Variants in IQCH observed in about 807,000 individuals in gnomAD.
IQCH encodes IQ motif containing H.
In IQCH, 98 loss-of-function variants were observed where a neutral mutation model predicts 117.0. That is an observed-to-expected ratio of 0.84 (90% CI 0.71 to 0.99). The LOEUF (loss-of-function observed/expected upper bound fraction) is 0.99. Among genes scored for constraint, IQCH ranks in the 50% least tolerant of loss-of-function variants. The pLI is 0.00. For missense variants in IQCH, 1,102 were observed against 1,243.8 expected (o/e 0.89, Z 1.72); for synonymous variants, 412 against 448.2 (o/e 0.92, Z 1.02).
At position 67,466,486 on chromosome 15, in the gene IQCH, A is replaced by G. The variant is rs915642887; in HGVS notation, c.2676+1189A>G. The G allele has an allele frequency of 3.3e-5, 5 of 152,212 alleles. No individual in the cohort carries two copies. Among genetic ancestry groups the G allele is most frequent in the Non-Finnish European group, 7.3e-5 (5 of 68,054 alleles). The allele number at this position is 152,212 out of a possible 1,614,324, so 9.4% of individuals were successfully genotyped here. A position where few individuals can be genotyped will look rare whatever the true frequency, so the allele number is the denominator to read the frequency against. Reference sequence around the variant, plus strand: ...TAATGGGACCCAACATGAGTGTCCCAGAGATACCTTTTCCAAGCGGTCTCC... The same window carrying G: ...TAATGGGACCCAACATGAGTGTCCCGGAGATACCTTTTCCAAGCGGTCTCC... On this transcript the variant is annotated intron_variant, in intron 17 of 20. Transcript: ENST00000335894. The surrounding 1 kb of genome is among the most constrained non-coding windows in gnomAD (Gnocchi z 4.4).
chr15:67,340,122 C>G (rs1022641577), intron 5 of IQCH, among the ~76,000 whole-genome samples: 1 of 151,988 alleles, frequency 6.6e-6, no homozygotes, highest in Non-Finnish European at 1.5e-5. Flanking sequence ...ACGCATCAAC[C>G]TTGATTCTTT....
intron 16 of IQCH, among the ~76,000 whole-genome samples, chr15:67,428,303 A>T (rs2081938937): frequency 6.6e-6 from 1 of 152,214 alleles, no homozygotes; most frequent in Admixed American, 6.5e-5. Context: ...AAAAGAAAAA[A>T]ATATATAAAT....
chr15:67,442,586 G>A (rs2082297906), intron 16 of IQCH, among the ~76,000 whole-genome samples: 1 of 152,112 alleles, frequency 6.6e-6, no homozygotes, highest in Non-Finnish European at 1.5e-5. Context: ...TGGTGGGAAT[G>A]TAAACTAGTA....
Position 67,491,949 on chromosome 15 carries a change from G to A in IQCH, c.2861+1885G>A, listed in dbSNP as rs143410222. Reference sequence around the variant, plus strand: ...ACAGTAAACAAGTAAACAGGTAAACGTGGTCTAGTATGTCAACTGCTGACA... The same window carrying A: ...ACAGTAAACAAGTAAACAGGTAAACATGGTCTAGTATGTCAACTGCTGACA... On this transcript the variant is annotated intron_variant, in intron 19 of 20. Transcript: ENST00000335894. The surrounding 1 kb of genome is among the most constrained non-coding windows in gnomAD (Gnocchi z 4.9). Among the ~76,000 whole-genome samples the A allele has an allele frequency of 8.8e-4, 134 of 152,220 alleles. No homozygotes were observed. In the East Asian group the frequency reaches 0.024, roughly 27 times the overall value.
At chr15:67,497,934 C>T (rs2083868273) in intron 20 of IQCH, among the ~76,000 whole-genome samples, 1 of 152,160 alleles carries the variant, frequency 6.6e-6, no homozygotes, top group Non-Finnish European at 1.5e-5. Flanking sequence ...CTGACATTCC[C>T]AAATTGATCT....
chr15:67,441,326 A>G (rs2082266958), intron 16 of IQCH, among the ~76,000 whole-genome samples: 1 of 152,042 alleles, frequency 6.6e-6, no homozygotes, highest in Non-Finnish European at 1.5e-5. Context: ...GCAATCTACA[A>G]ATTCAATGCA....
chr15:67,359,545 A>T lies in IQCH; in HGVS notation c.715-302A>T, dbSNP rs1206925612. Reference sequence around the variant, plus strand: ...CTTTGATCAGACACCACCACAAAGCAGTGTGGTGCCACGCTAGTGTCCCCT... The same window carrying T: ...CTTTGATCAGACACCACCACAAAGCTGTGTGGTGCCACGCTAGTGTCCCCT... On this transcript the variant is annotated intron_variant, in intron 7 of 20. Transcript: ENST00000335894. The surrounding 1 kb of genome is among the most constrained non-coding windows in gnomAD (Gnocchi z 4.5). 6.6e-6 allele frequency among the ~76,000 whole-genome samples: 1 copy of T among 152,272 alleles called. No homozygotes were observed. The highest frequency in any genetic ancestry group is 1.9e-4 in the East Asian group (1 of 5,202).
intron 18 of IQCH, among the ~76,000 whole-genome samples, chr15:67,483,850 G>A (rs2083402935): frequency 6.6e-6 from 1 of 152,194 alleles, no homozygotes; most frequent in Admixed American, 6.5e-5. Flanking sequence ...GGAATGAACA[G>A]CTTAAGACTC....
intron 3 of IQCH, among the ~76,000 whole-genome samples, chr15:67,272,789 C>T (rs1965955873): frequency 6.6e-6 from 1 of 152,144 alleles, no homozygotes; most frequent in Non-Finnish European, 1.5e-5. Context: ...CATGTCTTTA[C>T]TTTCAGTCTG....
intron 4 of IQCH, among the ~76,000 whole-genome samples, chr15:67,284,376 C>T (rs1249520178): frequency 2.6e-5 from 4 of 152,096 alleles, no homozygotes; most frequent in Non-Finnish European, 5.9e-5. Context: ...GACAAGATCT[C>T]ATTCTCTTTT....
intron 4 of IQCH, among the ~76,000 whole-genome samples, chr15:67,297,252 G>A (rs952545470): frequency 3.9e-5 from 6 of 152,104 alleles, no homozygotes; most frequent in Non-Finnish European, 8.8e-5. Flanking sequence ...CTTAATTTTA[G>A]TTGACATTTT....
chr15:67,355,339 C>T lies in IQCH; in HGVS notation c.638-2006C>T, dbSNP rs144135080. Among the ~76,000 whole-genome samples, 105 of 152,206 alleles carry T rather than the reference C, an allele frequency of 6.9e-4. No individual in the cohort carries two copies. The East Asian group carries it at 0.02, about 28-fold the overall frequency. ...CGGTGGCTCACGCCTGTAATGCCAGCACTTTGGGAGGCTGAGGTGGGTGGA... is the reference window on the plus strand; with the variant it reads ...CGGTGGCTCACGCCTGTAATGCCAGTACTTTGGGAGGCTGAGGTGGGTGGA... On this transcript the variant is annotated intron_variant, in intron 6 of 20. Transcript: ENST00000335894.
chr15:67,358,490 C>T (rs563286774), intron 7 of IQCH, among the ~76,000 whole-genome samples: 9 of 152,064 alleles, frequency 5.9e-5, no homozygotes, highest in South Asian at 4.1e-4. Flanking sequence ...GCCACCACAC[C>T]GGGCCAAATT....
rs560408532 is a variant in IQCH at position 67,373,992 on chromosome 15, A to C, written c.1372+559A>C. 3.2e-5 allele frequency: 5 copies of C among 155,782 alleles called. No homozygotes were observed. In the South Asian group the frequency reaches 8.0e-4, roughly 25 times the overall value. 9.6% of individuals were successfully genotyped at this position (155,782 alleles called of 1,614,324 possible). Reference sequence around the variant, plus strand: ...AGTTGAATAGTGTTTTTTGCACTTAAATAATCTGCAGTTTCATGTTAATTA... The same window carrying C: ...AGTTGAATAGTGTTTTTTGCACTTACATAATCTGCAGTTTCATGTTAATTA... On this transcript the variant is annotated intron_variant, in intron 10 of 20. Transcript: ENST00000335894.
chr15:67,352,281 A>G lies in IQCH; in HGVS notation c.638-5064A>G, dbSNP rs898846888. Among the ~76,000 whole-genome samples the G allele has an allele frequency of 2.6e-4, 40 of 151,932 alleles. 2 individuals carry two copies. Among genetic ancestry groups the G allele is most frequent in the Non-Finnish European group, 1.5e-5 (1 of 67,992 alleles). On this transcript the variant is annotated intron_variant, in intron 6 of 20. Coordinates refer to ENST00000335894, the MANE Select transcript of IQCH (RefSeq NM_001031715.3). The stretch of plus-strand genomic sequence containing the variant: ...CCATCTCCCTCCTGATGTAACATCT[A>G]TTTTTCTTATGTATTTTAGTTGTAT...
intron 14 of IQCH, among the ~76,000 whole-genome samples, chr15:67,409,208 A>C (rs2081381300): frequency 6.6e-6 from 1 of 152,174 alleles, no homozygotes; most frequent in African/African-American, 2.4e-5. Flanking sequence ...CGGGGCTTTG[A>C]TGATGGCAAT....
At chr15:67,332,018 T>A (rs1346787570) in intron 4 of IQCH, among the ~76,000 whole-genome samples, 2 of 152,174 alleles carry the variant, frequency 1.3e-5, no homozygotes, top group Non-Finnish European at 1.5e-5. Context: ...CAGGATGTCC[T>A]ATTCTAAAAG....
At chr15:67,280,091 A>C (rs1966290838) in intron 4 of IQCH, among the ~76,000 whole-genome samples, 2 of 152,248 alleles carry the variant, frequency 1.3e-5, no homozygotes, top group Admixed American at 1.3e-4. Flanking sequence ...AAAAGAGTAA[A>C]GTAAGAAATT....
chr15:67,333,119 C>T (rs962410889), intron 4 of IQCH, among the ~76,000 whole-genome samples: 4 of 152,142 alleles, frequency 2.6e-5, no homozygotes, highest in African/African-American at 9.7e-5. Context: ...CCATTCATGA[C>T]GATTCCATCC....
Sources: allele counts gnomAD v4.1 joint callset (sites outside exome capture counted in the v4.1 genomes callset), GRCh38; gene constraint gnomAD v4.1.1; non-coding constraint Gnocchi (gnomAD v3.1); transcripts MANE v1.5; gene names NCBI Gene and HGNC (gene_info 2026-07-23, HGNC 2026-07-21).